ST7: variants seen among roughly 807,000 people sequenced by gnomAD.
ST7 encodes the protein suppression of tumorigenicity 7.
In ST7, 28 loss-of-function variants were observed where a neutral mutation model predicts 78.7. The ratio of observed to expected loss-of-function variants is 0.36; its 90% CI spans 0.26 to 0.49. The LOEUF (loss-of-function observed/expected upper bound fraction) is 0.49. Among genes scored for constraint, ST7 ranks in the 20% least tolerant of loss-of-function variants. The pLI, the probability that ST7 is intolerant of heterozygous loss-of-function variation, is 0.99. For missense variants in ST7, 418 were observed against 696.0 expected (o/e 0.60, Z 4.49); for synonymous variants, 247 against 249.6 (o/e 0.99, Z 0.10).
intron 1 of ST7, among the ~76,000 whole-genome samples, chr7:116,998,325 C>T (rs1293946545): frequency 6.6e-6 from 1 of 152,212 alleles, no homozygotes. Context: ...CCACCCGGAA[C>T]TCACACTGGC....
chr7:116,968,632 G>T lies in ST7; in HGVS notation c.151+14941G>T, dbSNP rs955511939. ...AGGAATGGAATGATGACCAAGACAT[G>T]GTCCCTGTCTTCAGTATCTTGAGAT... On this transcript the variant is annotated intron_variant, in intron 1 of 15. Coordinates refer to ENST00000323984, the MANE Select transcript of ST7 (RefSeq NM_001369598.1). 3 of 208,580 alleles carry T rather than the reference G, an allele frequency of 1.4e-5. No individual in the cohort carries two copies. The Middle Eastern group carries it at 1.5e-3, about 104-fold the overall frequency. The allele number at this position is 208,580 out of a possible 1,614,324, so 12.9% of individuals were successfully genotyped here.
intron 6 of ST7, among the ~76,000 whole-genome samples, chr7:117,133,145 T>G (rs892794255): frequency 7.2e-5 from 11 of 151,942 alleles, no homozygotes; most frequent in Non-Finnish European, 1.6e-4. Flanking sequence ...AGACCATTCC[T>G]TTAATAATCC....
chr7:117,212,046 A>T (rs1792340219), intron 13 of ST7, among the ~76,000 whole-genome samples: 2 of 152,212 alleles, frequency 1.3e-5, no homozygotes, highest in African/African-American at 4.8e-5. Context: ...GGTAACTGTG[A>T]TCCCAGCCAA....
Position 117,209,894 on chromosome 7 carries a change from A to T in ST7, c.1362A>T (p.Arg454Ser), listed in dbSNP as rs1288159418. Residue 454 changes from arginine to serine, a missense_variant, in exon 13 of 16, where the codon AGA becomes AGT. By Grantham distance (110) the Arg-to-Ser change is moderately radical (BLOSUM62 -1). This residue lies in a region of ST7 where 288 missense variants were observed against 537.1 expected (regional missense o/e 0.54). Coordinates refer to ENST00000323984, the MANE Select transcript of ST7 (RefSeq NM_001369598.1). ...TCTTTCATCTTGCACACTGGAAGAG[A>T]GTGGAAGGGGCTTTGAATCTTTTGC... ...YAFFHLAHWK[R>S]VEGALNLLHC... 1 of 1,613,980 alleles carries T rather than the reference A, an allele frequency of 6.2e-7. No individual in the cohort carries two copies. Among genetic ancestry groups the T allele is most frequent in the Admixed American group, 1.7e-5 (1 of 59,992 alleles).
At chr7:117,053,328 A>G (rs6979871) in intron 1 of ST7, among the ~76,000 whole-genome samples, 7,289 of 152,290 alleles carry the variant, frequency 0.048, 586 homozygotes, top group African/African-American at 0.17. Context: ...CCGGGCTCTC[A>G]ACTCTTACAG....
intron 1 of ST7, among the ~76,000 whole-genome samples, chr7:117,031,232 A>G (rs1796458577): frequency 6.6e-6 from 1 of 151,846 alleles, no homozygotes; most frequent in African/African-American, 2.4e-5. Flanking sequence ...AAAAAAACCC[A>G]CAAAAAACTT....
In ST7 at chr7:117,111,612, T is replaced by C. The variant is rs373787245; in HGVS notation, c.235-7949T>C. Among the ~76,000 whole-genome samples the C allele has an allele frequency of 1.6e-4, 24 of 152,332 alleles. No individual in the cohort carries two copies. In the East Asian group the frequency reaches 4.2e-3, roughly 27 times the overall value. ...CTTTGTTATACCATCTAGCTCACTCTTCCCTTTTAGTTCCTATGCCTATAC... is the reference window on the plus strand; with the variant it reads ...CTTTGTTATACCATCTAGCTCACTCCTCCCTTTTAGTTCCTATGCCTATAC... On this transcript the variant is annotated intron_variant, in intron 2 of 15. Coordinates refer to ENST00000323984, the MANE Select transcript of ST7 (RefSeq NM_001369598.1).
intron 13 of ST7, among the ~76,000 whole-genome samples, chr7:117,214,810 A>G (rs1171094247): frequency 6.6e-6 from 1 of 151,864 alleles, no homozygotes; most frequent in African/African-American, 2.4e-5. Flanking sequence ...TTCATTCATT[A>G]CTTTATTCAA....
intron 1 of ST7, among the ~76,000 whole-genome samples, chr7:117,091,643 T>A (rs182786518): frequency 1.3e-5 from 2 of 152,344 alleles, no homozygotes; most frequent in East Asian, 3.9e-4. Flanking sequence ...CTCGGCATAC[T>A]GCAATTAGCC....
At chr7:116,998,007 A>G (rs1794745657) in intron 1 of ST7, among the ~76,000 whole-genome samples, 1 of 152,174 alleles carries the variant, frequency 6.6e-6, no homozygotes, top group South Asian at 2.1e-4. Flanking sequence ...GCTCCTCAGC[A>G]CTTGGACGGT....
intron 9 of ST7, among the ~76,000 whole-genome samples, chr7:117,169,593 A>G (rs1280086618): frequency 6.6e-6 from 1 of 151,966 alleles, no homozygotes; most frequent in Non-Finnish European, 1.5e-5. Flanking sequence ...CATTCCTTTA[A>G]TCATTCGTTC....
intron 10 of ST7, 62 bp from the exon 11 acceptor site, chr7:117,189,259 G>GA: frequency 8.3e-7 from 1 of 1,208,744 alleles, no homozygotes; most frequent in Non-Finnish European, 1.2e-6. Flanking sequence ...CTAGTGTATT[G>GA]AAAATGATTG....
intron 1 of ST7, among the ~76,000 whole-genome samples, chr7:117,023,487 C>A (rs763353778): frequency 5.9e-5 from 9 of 152,156 alleles, no homozygotes; most frequent in Admixed American, 1.3e-4. Context: ...CTATTTTGGG[C>A]TCACTTTGAA....
chr7:117,133,165 T>C lies in ST7; in HGVS notation c.642-959T>C, dbSNP rs538649841. The stretch of plus-strand genomic sequence containing the variant: ...ATTCCTTTAATAATCCATTAGAATA[T>C]CTTTCCAAATCACTGTGTTCTGTAG... On this transcript the variant is annotated intron_variant, in intron 6 of 15. Coordinates refer to ENST00000323984, the MANE Select transcript of ST7 (RefSeq NM_001369598.1). 7.2e-5 allele frequency among the ~76,000 whole-genome samples: 11 copies of C among 152,044 alleles called. No homozygotes were observed. In the East Asian group the frequency reaches 1.5e-3, roughly 21 times the overall value.
chr7:117,175,612 A>C (rs1217414762), intron 10 of ST7, among the ~76,000 whole-genome samples: 1 of 152,164 alleles, frequency 6.6e-6, no homozygotes, highest in Non-Finnish European at 1.5e-5. Context: ...AGCTTGAGCA[A>C]ATTACTTAAC....
intron 1 of ST7, among the ~76,000 whole-genome samples, chr7:117,085,734 T>G (rs1260929797): frequency 2.0e-5 from 3 of 152,142 alleles, no homozygotes; most frequent in African/African-American, 7.2e-5. Context: ...AATGTTTTCC[T>G]CCCGATTTTT....
chr7:117,153,571 T>A (rs911991485), intron 9 of ST7, among the ~76,000 whole-genome samples: 6 of 152,136 alleles, frequency 3.9e-5, no homozygotes, highest in African/African-American at 1.4e-4. Flanking sequence ...CAACAGAACA[T>A]CTTAGAGGGA....
intron 1 of ST7, among the ~76,000 whole-genome samples, chr7:117,061,079 G>C (rs1176196221): frequency 1.3e-5 from 2 of 152,044 alleles, no homozygotes; most frequent in African/African-American, 2.4e-5. Flanking sequence ...CCCTTTTAAA[G>C]ACAATTAAAA....
intron 1 of ST7, among the ~76,000 whole-genome samples, chr7:116,974,790 T>G (rs1793613759): frequency 6.6e-6 from 1 of 152,162 alleles, no homozygotes; most frequent in African/African-American, 2.4e-5. Context: ...AAAATTTGCA[T>G]TTTTAATATA....
Sources: gnomAD v4.1 joint callset for allele counts (sites outside exome capture counted in the v4.1 genomes callset) on GRCh38, gnomAD v4.1.1 for gene constraint, gnomAD v4.1.1 regional missense constraint, MANE v1.5 for transcripts, NCBI Gene and HGNC (gene_info 2026-07-23, HGNC 2026-07-21) for gene names.